ATP9A: variants seen among roughly 807,000 people sequenced by gnomAD.
ATP9A encodes probable phospholipid-transporting ATPase IIA.
ATP9A carries 52 observed loss-of-function variants against 144.1 expected under a neutral mutation model. The observed-to-expected ratio is 0.36, with a 90% confidence interval of 0.29 to 0.45. The LOEUF (loss-of-function observed/expected upper bound fraction) is 0.45. Among genes scored for constraint, ATP9A ranks in the 20% least tolerant of loss-of-function variants. The pLI, the probability that ATP9A is intolerant of heterozygous loss-of-function variation, is 1.00. For missense variants in ATP9A, 947 were observed against 1,392.7 expected (o/e 0.68, Z 5.09); for synonymous variants, 582 against 557.4 (o/e 1.04, Z -0.62).
At chr20:51,645,001 G>A (rs1482061979) in intron 14 of ATP9A, among the ~76,000 whole-genome samples, 1 of 152,194 alleles carries the variant, frequency 6.6e-6, no homozygotes, top group Non-Finnish European at 1.5e-5. Flanking sequence ...AGCCCAGCAT[G>A]CCCAGCTACA....
chr20:51,676,043 T>C (rs1161770533), intron 10 of ATP9A, 89 bp downstream of exon 10: 2 of 944,968 alleles, frequency 2.1e-6, no homozygotes, highest in East Asian at 2.4e-5. Context: ...ATATCACTCT[T>C]AGGTGTTCCT....
At position 51,753,823 on chromosome 20, in the gene ATP9A, TGCCCA is replaced by T. The variant is rs1157028038; in HGVS notation, c.68+14474_68+14478del. ...CTGGGATTACAGGCATGTGCCACCA[TGCCCA>T]GCTAATTTTGGTTTTTTTTTTTCCA... On this transcript the variant is annotated intron_variant, in intron 1 of 27. Transcript: ENST00000338821. Among the ~76,000 whole-genome samples, 3 of 151,458 alleles carry T rather than the reference TGCCCA, an allele frequency of 2.0e-5. No individual in the cohort carries two copies. The East Asian group carries it at 5.9e-4, about 30-fold the overall frequency.
chr20:51,710,559 G>T (rs1006432767), intron 4 of ATP9A, among the ~76,000 whole-genome samples: 1 of 152,078 alleles, frequency 6.6e-6, no homozygotes, highest in Non-Finnish European at 1.5e-5. Context: ...AACTCGCCTC[G>T]ATCACTTTCC....
chr20:51,675,652 G>T (rs1255901228), intron 10 of ATP9A, among the ~76,000 whole-genome samples: 1 of 152,176 alleles, frequency 6.6e-6, no homozygotes, highest in Non-Finnish European at 1.5e-5. Flanking sequence ...GGCCGAGGAG[G>T]GAGGATCACT....
At position 51,756,626 on chromosome 20, in the gene ATP9A, C is replaced by T. The variant is rs145302499; in HGVS notation, c.68+11676G>A. 3.2e-3 allele frequency among the ~76,000 whole-genome samples: 487 copies of T among 152,118 alleles called. 3 individuals are homozygous for T. The highest frequency in any genetic ancestry group is 3.5e-3 in the Non-Finnish European group (235 of 67,990). On this transcript the variant is annotated intron_variant, in intron 1 of 27. Coordinates refer to ENST00000338821, the MANE Select transcript of ATP9A (RefSeq NM_006045.3). ...TCTTAATCTCCTCCTATAAGGTCAC[C>T]GGGCTGGATGGAAAAGGGCCCATCC... is the stretch of plus-strand genomic sequence containing the variant.
rs779850762 is a variant in ATP9A, at chr20:51,694,122, G to GC, written c.548-21dup. ...ATGACCCTGTGGAAGGAAGTCGGGT[G>GC]CCGTCACCTGCACCTCAAGCACCCT... On this transcript the variant is annotated intron_variant, in intron 6 of 27. Transcript: ENST00000338821. The GC allele has an allele frequency of 2.5e-6, 4 of 1,602,688 alleles. No individual in the cohort carries two copies. In the South Asian group the frequency reaches 4.4e-5, roughly 18 times the overall value.
At position 51,630,532 on chromosome 20, in the gene ATP9A, G is replaced by A. The variant is rs190727790; in HGVS notation, c.1669-1460C>T. Among the ~76,000 whole-genome samples, 13 of 152,158 alleles carry A rather than the reference G, an allele frequency of 8.5e-5. No individual in the cohort carries two copies. In the East Asian group the frequency reaches 2.5e-3, roughly 29 times the overall value. ...AGCCTAGCCAACATGGTGAGACCCT[G>A]TCTCTACTAAAATTACAAAATTAGC... On this transcript the variant is annotated intron_variant, in intron 15 of 27. Transcript: ENST00000338821.
intron 23 of ATP9A, among the ~76,000 whole-genome samples, chr20:51,613,374 T>G (rs2077191688): frequency 6.6e-6 from 1 of 152,162 alleles, no homozygotes; most frequent in South Asian, 2.1e-4. Flanking sequence ...GCACTGGATG[T>G]CACCACTGCT....
chr20:51,702,891 A>G (rs1238244725), intron 4 of ATP9A, among the ~76,000 whole-genome samples: 1 of 152,162 alleles, frequency 6.6e-6, no homozygotes, highest in Admixed American at 6.5e-5. Flanking sequence ...TACCAATCTC[A>G]AAAAAGGGCA....
At chr20:51,693,172 C>T (rs2077555623) in intron 7 of ATP9A, among the ~76,000 whole-genome samples, 1 of 152,232 alleles carries the variant, frequency 6.6e-6, no homozygotes, top group South Asian at 2.1e-4. Flanking sequence ...GAAGAACCCA[C>T]CCGCAGGGAT....
chr20:51,735,588 T>C (rs918445707), intron 1 of ATP9A, among the ~76,000 whole-genome samples: 4 of 152,162 alleles, frequency 2.6e-5, no homozygotes, highest in Non-Finnish European at 5.9e-5. Context: ...ATCCTTGCCT[T>C]CTCCTTCCTC....
Position 51,639,436 on chromosome 20 carries a change from C to T in ATP9A, c.1575G>A (p.Gln525=), listed in dbSNP as rs778849999. The T allele has an allele frequency of 5.0e-6, 8 of 1,614,046 alleles. No homozygotes were observed. Among genetic ancestry groups the T allele is most frequent in the Non-Finnish European group, 6.8e-6 (8 of 1,179,964 alleles). ...TLVGRDQSSM[Q]LRTPGDQILN... is the part of the protein sequence containing the mutation. ...GGATCTGGTCGCCAGGGGTCCTCAGCTGCATGGAAGACTGGTCTCGGCCCA... is the reference window on the plus strand; with the variant it reads ...GGATCTGGTCGCCAGGGGTCCTCAGTTGCATGGAAGACTGGTCTCGGCCCA... Residue 525 remains glutamine, a synonymous_variant, in exon 15 of 28, where the codon CAG becomes CAA. Transcript: ENST00000338821.
In ATP9A at chr20:51,753,480, AC is replaced by A. The variant is rs1568848281; in HGVS notation, c.68+14821del. The stretch of plus-strand genomic sequence containing the variant: ...AACAACAACAACAACAACAACAACA[AC>A]AACAACAAACCCACGTTCTACATGG... On this transcript the variant is annotated intron_variant, in intron 1 of 27. Coordinates refer to ENST00000338821, the MANE Select transcript of ATP9A (RefSeq NM_006045.3). 4.4e-3 allele frequency among the ~76,000 whole-genome samples: 670 copies of A among 151,648 alleles called. 8 individuals carry two copies. Among genetic ancestry groups the A allele is most frequent in the African/African-American group, 0.015 (606 of 41,268 alleles).
At chr20:51,677,311 AAC>A (rs1447548891) in intron 9 of ATP9A, among the ~76,000 whole-genome samples, 1 of 152,148 alleles carries the variant, frequency 6.6e-6, no homozygotes, top group Non-Finnish European at 1.5e-5. Flanking sequence ...TGACCAAAAG[AAC>A]AGTCACTAAC....
intron 14 of ATP9A, among the ~76,000 whole-genome samples, chr20:51,650,650 G>A (rs1434750325): frequency 6.6e-6 from 1 of 152,146 alleles, no homozygotes; most frequent in African/African-American, 2.4e-5. Flanking sequence ...AACAGCGGGT[G>A]TCGCAGAGGA....
intron 27 of ATP9A, among the ~76,000 whole-genome samples, chr20:51,604,265 C>T (rs774450881): frequency 1.6e-4 from 25 of 152,310 alleles, no homozygotes; most frequent in Admixed American, 4.6e-4. Flanking sequence ...CACCATAATC[C>T]TGGCACACGG....
intron 24 of ATP9A, 129 bp from the exon 25 acceptor site, chr20:51,608,755 G>T (rs2077173650): frequency 1.5e-6 from 1 of 656,132 alleles, no homozygotes; most frequent in African/African-American, 1.8e-5. Context: ...TTATGCTCCG[G>T]GGCTGGCTGT....
At chr20:51,741,178 G>C (rs2426403) in intron 1 of ATP9A, among the ~76,000 whole-genome samples, 1 of 152,044 alleles carries the variant, frequency 6.6e-6, no homozygotes, top group African/African-American at 2.4e-5. Flanking sequence ...TCATGGCTGA[G>C]AGTTCTACTG....
intron 1 of ATP9A, among the ~76,000 whole-genome samples, chr20:51,765,588 G>A (rs965031027): frequency 2.8e-5 from 4 of 144,280 alleles, no homozygotes; most frequent in East Asian, 4.0e-4. Context: ...GAATGCGGAC[G>A]TTGCAGTGAG....
Sources: allele counts gnomAD v4.1 joint callset (sites outside exome capture counted in the v4.1 genomes callset), GRCh38; gene constraint gnomAD v4.1.1; transcripts MANE v1.5; gene names NCBI Gene and HGNC (gene_info 2026-07-23, HGNC 2026-07-21).